Variants in ZNF475 observed in about 807,000 individuals in gnomAD.
ZNF475 encodes zinc finger protein 475.
chr5:122,175,130 C>T, the ZNF475 span, among the ~76,000 whole-genome samples: 2 of 152,130 alleles, frequency 1.3e-5, no homozygotes, highest in African/African-American at 2.4e-5. Flanking sequence ...AAATAATACC[C>T]TTTTTATAAA....
At chr5:122,168,157 G>C in the ZNF475 span, among the ~76,000 whole-genome samples, 1 of 152,114 alleles carries the variant, frequency 6.6e-6, no homozygotes, top group East Asian at 1.9e-4. Flanking sequence ...CGATTCTCCC[G>C]CCTCAGCCTC....
At chr5:122,171,740 T>C in the ZNF475 span, among the ~76,000 whole-genome samples, 1 of 151,898 alleles carries the variant, frequency 6.6e-6, no homozygotes, top group African/African-American at 2.4e-5. Flanking sequence ...CTCTTCTCTA[T>C]ACTTTTTTTT....
chr5:122,167,397 T>C, the ZNF475 span, among the ~76,000 whole-genome samples: 1 of 152,252 alleles, frequency 6.6e-6, no homozygotes, highest in African/African-American at 2.4e-5. Context: ...GGTCTTTTTA[T>C]TTGTTTTCTT....
chr5:122,177,808 C>T, the ZNF475 span, among the ~76,000 whole-genome samples: 1 of 151,924 alleles, frequency 6.6e-6, no homozygotes, highest in African/African-American at 2.4e-5. Context: ...AGGTTTGTTA[C>T]ATAGGTATAC....
the ZNF475 span, among the ~76,000 whole-genome samples, chr5:122,178,791 T>C: frequency 6.6e-6 from 1 of 152,224 alleles, no homozygotes; most frequent in African/African-American, 2.4e-5. Context: ...TTTGGTGTTT[T>C]AGTCATGAAG....
the ZNF475 span, among the ~76,000 whole-genome samples, chr5:122,164,732 C>T: frequency 1.4e-3 from 207 of 152,272 alleles, 1 homozygote; most frequent in South Asian, 0.01. Context: ...GGAGGCTGCA[C>T]ATCTGGAGAG....
the ZNF475 span, chr5:122,162,555 A>G: frequency 1.1e-4 from 17 of 152,230 alleles, no homozygotes; most frequent in Admixed American, 9.8e-4. Context: ...ACTTAATTGT[A>G]TATATTCAGT....
chr5:122,168,182 T>A, the ZNF475 span, among the ~76,000 whole-genome samples: 1 of 152,086 alleles, frequency 6.6e-6, no homozygotes, highest in South Asian at 2.1e-4. Flanking sequence ...ATAGCTGGGG[T>A]TACAGGCACC....
the ZNF475 span, among the ~76,000 whole-genome samples, chr5:122,176,835 C>T: frequency 6.6e-6 from 1 of 152,238 alleles, no homozygotes; most frequent in East Asian, 1.9e-4. Flanking sequence ...CTCCAATGGG[C>T]TCAAAAATTA....
the ZNF475 span, among the ~76,000 whole-genome samples, chr5:122,174,916 A>T: frequency 5.3e-5 from 8 of 152,338 alleles, no homozygotes; most frequent in African/African-American, 1.9e-4. Flanking sequence ...ACATTTAAAC[A>T]TCTTGAAAAT....
chr5:122,163,703 C>T, the ZNF475 span, among the ~76,000 whole-genome samples: 1 of 152,268 alleles, frequency 6.6e-6, no homozygotes, highest in South Asian at 2.1e-4. Flanking sequence ...CAAGATGTGC[C>T]CTGTTTTTGA....
the ZNF475 span, among the ~76,000 whole-genome samples, chr5:122,164,712 A>G: frequency 1.2e-4 from 19 of 152,338 alleles, no homozygotes; most frequent in Non-Finnish European, 2.5e-4. Flanking sequence ...CCAAAAGTCC[A>G]GGATCCTAGG....
At chr5:122,169,950 A>G in the ZNF475 span, among the ~76,000 whole-genome samples, 1 of 152,240 alleles carries the variant, frequency 6.6e-6, no homozygotes, top group Non-Finnish European at 1.5e-5. Context: ...AAATGAACTC[A>G]TGCTAAATCT....
the ZNF475 span, among the ~76,000 whole-genome samples, chr5:122,169,062 G>T: frequency 6.6e-6 from 1 of 152,146 alleles, no homozygotes; most frequent in African/African-American, 2.4e-5. Context: ...ATCCTATGTG[G>T]AACAGATTGA....
At chr5:122,166,627 C>T in the ZNF475 span, among the ~76,000 whole-genome samples, 14 of 152,126 alleles carry the variant, frequency 9.2e-5, no homozygotes, top group African/African-American at 2.4e-4. Flanking sequence ...CTGAAAATGA[C>T]GGTTTCCAGC....
the ZNF475 span, among the ~76,000 whole-genome samples, chr5:122,176,553 G>A: frequency 6.6e-6 from 1 of 152,100 alleles, no homozygotes; most frequent in Non-Finnish European, 1.5e-5. Context: ...AATGGTAGAG[G>A]CTTCTGTCAA....
the ZNF475 span, chr5:122,162,854 G>C: frequency 6.6e-6 from 1 of 152,210 alleles, no homozygotes; most frequent in Non-Finnish European, 1.5e-5. Flanking sequence ...AGGTAGTTGG[G>C]AGAGCAAAGG....
At chr5:122,175,353 T>C in the ZNF475 span, among the ~76,000 whole-genome samples, 9 of 152,184 alleles carry the variant, frequency 5.9e-5, no homozygotes, top group Admixed American at 4.6e-4. Context: ...TTAACCAAGT[T>C]TTATTTCCCC....
At chr5:122,181,089 A>C in the ZNF475 span, among the ~76,000 whole-genome samples, 4 of 152,128 alleles carry the variant, frequency 2.6e-5, no homozygotes, top group African/African-American at 9.7e-5. Flanking sequence ...GTGGTTCACT[A>C]TTCTGTTACT....
Sources: allele counts gnomAD v4.1 joint callset (sites outside exome capture counted in the v4.1 genomes callset), GRCh38; gene constraint gnomAD v4.1.1; transcripts MANE v1.5; gene names NCBI Gene and HGNC (gene_info 2026-07-23, HGNC 2026-07-21).